The following FAAH2 variants were observed in gnomAD, a reference collection of about 807,000 sequenced individuals.
The protein encoded by FAAH2 is fatty-acid amide hydrolase 2.
In FAAH2, 60 loss-of-function variants were observed where a neutral mutation model predicts 36.9. That is an observed-to-expected ratio of 1.63 (90% CI 1.32 to 2.02). The LOEUF is 2.02. Ranked by LOEUF, FAAH2 falls within the 30% of genes most tolerant of loss-of-function variation. FAAH2 has a pLI of 0.00. For synonymous variants in FAAH2, 214 were observed against 143.8 expected (o/e 1.49, Z -3.49); for missense variants, 689 against 397.5 (o/e 1.73, Z -6.23).
chrX:57,489,152 G>C lies in FAAH2; in HGVS notation c.*220G>C, dbSNP rs995002064. The C allele has an allele frequency of 2.1e-5, 8 of 382,372 alleles. No homozygotes were observed. The highest frequency in any genetic ancestry group is 2.1e-4 in the African/African-American group (8 of 38,481). The allele number at this position is 382,372 out of a possible 1,213,427, so 31.5% of individuals were successfully genotyped here. A position where few individuals can be genotyped will look rare whatever the true frequency, so the allele number is the denominator to read the frequency against. ...TGCTTTTATGTTACTGGAAAATTAGGACATGTAAATGGATAAGTGCAATAA... is the reference window on the plus strand; with the variant it reads ...TGCTTTTATGTTACTGGAAAATTAGCACATGTAAATGGATAAGTGCAATAA... On this transcript the variant is annotated 3_prime_UTR_variant, in exon 11 of 11. Transcript: ENST00000374900.
At chrX:57,216,568 ATATG>A in the FAAH2 span, among the ~76,000 whole-genome samples, 1 of 41,550 alleles carries the variant, frequency 2.4e-5, no homozygotes, top group African/African-American at 2.0e-4. Flanking sequence ...ATATATACGT[ATATG>A]TATATATATG....
chrX:57,440,133 T>C (rs2056516507), intron 8 of FAAH2, among the ~76,000 whole-genome samples: 1 of 111,763 alleles, frequency 8.9e-6, no homozygotes, highest in Non-Finnish European at 1.9e-5. Context: ...TCCAGTTCTG[T>C]GAAGAAAGTC....
In FAAH2 at chrX:57,378,796, T is replaced by A. The variant is rs1307038478; in HGVS notation, c.878+10T>A. On this transcript the variant is annotated intron_variant, in intron 6 of 10. Transcript: ENST00000374900. The stretch of plus-strand genomic sequence containing the variant: ...GACCTGGGATCAAAAGGTATGTTCA[T>A]TTATTTTTATTTCCTTGGACTCTTA... The A allele has an allele frequency of 1.7e-6, 2 of 1,192,283 alleles. No homozygotes were observed. Among genetic ancestry groups the A allele is most frequent in the Non-Finnish European group, 2.3e-6 (2 of 885,127 alleles).
At chrX:57,385,872 C>T (rs949678700) in intron 7 of FAAH2, among the ~76,000 whole-genome samples, 10 of 103,215 alleles carry the variant, frequency 9.7e-5, no homozygotes, top group Non-Finnish European at 2.0e-4. Context: ...CGCACCACTG[C>T]ACTCCAGCCT....
the FAAH2 span, among the ~76,000 whole-genome samples, chrX:57,265,165 G>T: frequency 9.0e-6 from 1 of 111,486 alleles, no homozygotes; most frequent in South Asian, 3.8e-4. Context: ...CTGACACAGA[G>T]AGCTACATGG....
chrX:57,124,786 C>A, the FAAH2 span, among the ~76,000 whole-genome samples: 1 of 111,740 alleles, frequency 8.9e-6, no homozygotes. Context: ...AGAGTTCACT[C>A]ATGATTTGGC....
rs192364500 is a variant in FAAH2, at chrX:57,332,074, G to A, written c.622+267G>A. Among the ~76,000 whole-genome samples, 1,106 of 111,930 alleles carry A rather than the reference G, an allele frequency of 9.9e-3. 43 individuals carry two copies. The highest frequency in any genetic ancestry group is 0.083 in the Admixed American group (878 of 10,556). ...TGATGTAGATAGGAAACATCGTAAA[G>A]TGTTTAGAGACTAGGAAAAAAAAGT... On this transcript the variant is annotated intron_variant, in intron 4 of 10. Coordinates refer to ENST00000374900, the MANE Select transcript of FAAH2 (RefSeq NM_174912.4).
At chrX:57,189,326 T>C in the FAAH2 span, among the ~76,000 whole-genome samples, 7 of 110,332 alleles carry the variant, frequency 6.3e-5, no homozygotes, top group Non-Finnish European at 1.1e-4. Flanking sequence ...TGCATTTGGT[T>C]AAAACATGCT....
the FAAH2 span, chrX:57,135,794 C>A: frequency 8.6e-7 from 1 of 1,164,964 alleles, no homozygotes; most frequent in Non-Finnish European, 1.1e-6. Context: ...TTTGTTTCCA[C>A]ACATGTGCCA....
At chrX:57,400,026 C>T (rs1029838713) in intron 7 of FAAH2, among the ~76,000 whole-genome samples, 2 of 111,959 alleles carry the variant, frequency 1.8e-5, no homozygotes, top group African/African-American at 6.5e-5. Flanking sequence ...AGAAGGTCCC[C>T]TCGAGTGGTG....
chrX:57,378,648 C>A lies in FAAH2; in HGVS notation c.743-3C>A. ...CGGCTAACCTGACTGTCTATCCTTT[C>A]AGGTGTGGTTCCCAACAAAGGTCAG... is the stretch of plus-strand genomic sequence containing the variant. On this transcript the variant is annotated splice_region_variant and splice_polypyrimidine_tract_variant and intron_variant, in intron 5 of 10. Coordinates refer to ENST00000374900, the MANE Select transcript of FAAH2 (RefSeq NM_174912.4). The A allele has an allele frequency of 8.3e-7, 1 of 1,210,976 alleles. No homozygotes were observed. The highest frequency in any genetic ancestry group is 1.8e-5 in the South Asian group (1 of 56,932).
At chrX:57,486,488 G>T (rs935772011) in intron 10 of FAAH2, among the ~76,000 whole-genome samples, 1 of 111,686 alleles carries the variant, frequency 9.0e-6, no homozygotes, top group Non-Finnish European at 1.9e-5. Flanking sequence ...AGTCCTGTTG[G>T]CTGTTTTCTA....
At chrX:57,365,902 A>C (rs781374462) in intron 5 of FAAH2, among the ~76,000 whole-genome samples, 7 of 112,049 alleles carry the variant, frequency 6.2e-5, no homozygotes, top group African/African-American at 2.3e-4. Context: ...TTTTCAGATC[A>C]GTTTGTTTTT....
intron 7 of FAAH2, among the ~76,000 whole-genome samples, chrX:57,430,121 A>T (rs2147107789): frequency 8.9e-6 from 1 of 111,757 alleles, no homozygotes; most frequent in South Asian, 3.8e-4. Context: ...CTGAAACCCC[A>T]GACTTCACCA....
the FAAH2 span, among the ~76,000 whole-genome samples, chrX:57,235,251 G>T: frequency 6.3e-5 from 7 of 111,154 alleles, no homozygotes; most frequent in East Asian, 2.0e-3. Flanking sequence ...GCTTATTTTG[G>T]GGCCAGTGTT....
At chrX:57,152,073 G>T in the FAAH2 span, among the ~76,000 whole-genome samples, 1 of 111,945 alleles carries the variant, frequency 8.9e-6, no homozygotes. Context: ...AGCAGTGGCT[G>T]TAGAACAGTG....
chrX:57,190,249 A>G, the FAAH2 span, among the ~76,000 whole-genome samples: 1 of 109,747 alleles, frequency 9.1e-6, no homozygotes, highest in African/African-American at 3.3e-5. Context: ...ATGCCCATCC[A>G]CTGACCAAGT....
At chrX:57,371,167 T>C (rs1334639655) in intron 5 of FAAH2, among the ~76,000 whole-genome samples, 1 of 111,763 alleles carries the variant, frequency 8.9e-6, no homozygotes, top group Non-Finnish European at 1.9e-5. Context: ...GTCTACTGCA[T>C]GTTTGTCATA....
At chrX:57,421,317 G>A (rs767116265) in intron 7 of FAAH2, among the ~76,000 whole-genome samples, 2 of 112,023 alleles carry the variant, frequency 1.8e-5, no homozygotes, top group East Asian at 2.8e-4. Flanking sequence ...GGTGGTGTGC[G>A]CCTGTAATCC....
Sources: allele counts gnomAD v4.1 joint callset (sites outside exome capture counted in the v4.1 genomes callset), GRCh38; gene constraint gnomAD v4.1.1; transcripts MANE v1.5; gene names NCBI Gene and HGNC (gene_info 2026-07-23, HGNC 2026-07-21).